Variants in ZNF385D observed in about 807,000 individuals in gnomAD.
The protein encoded by ZNF385D is zinc finger protein 659.
ZNF385D carries 15 observed loss-of-function variants against 35.8 expected under a neutral mutation model. The ratio of observed to expected loss-of-function variants is 0.42; its 90% CI spans 0.28 to 0.64. The LOEUF is 0.64. Ranked by LOEUF, ZNF385D falls within the 30% of genes least tolerant of loss-of-function variation. The pLI is 0.23. For synonymous variants in ZNF385D, 212 were observed against 186.8 expected (o/e 1.13, Z -1.10); for missense variants, 474 against 494.6 (o/e 0.96, Z 0.39).
chr3:22,361,166 C>T (rs1407563416), intron 2 of ZNF385D, among the ~76,000 whole-genome samples: 1 of 152,008 alleles, frequency 6.6e-6, no homozygotes, highest in Non-Finnish European at 1.5e-5. Context: ...CATTGAATAA[C>T]ACAGAATTTC....
chr3:22,094,045 G>C (rs1033377912), intron 3 of ZNF385D, among the ~76,000 whole-genome samples: 21 of 152,022 alleles, frequency 1.4e-4, no homozygotes, highest in Admixed American at 1.1e-3. Context: ...TAAGTGGGTT[G>C]ACTGGATTTT....
intron 2 of ZNF385D, among the ~76,000 whole-genome samples, chr3:22,362,628 ATTTATC>A (rs1483672345): frequency 1.3e-5 from 2 of 152,116 alleles, no homozygotes; most frequent in Non-Finnish European, 2.9e-5. Context: ...TCTTAAGGAA[ATTTATC>A]TTTATCATGA....
intron 2 of ZNF385D, among the ~76,000 whole-genome samples, chr3:22,323,211 C>G (rs1226551646): frequency 6.6e-6 from 1 of 152,174 alleles, no homozygotes; most frequent in Non-Finnish European, 1.5e-5. Flanking sequence ...TTTCCACACT[C>G]AGGGCCACAA....
intron 3 of ZNF385D, among the ~76,000 whole-genome samples, chr3:22,030,278 T>TATATATCCTATACAAATAACAAATAGG (rs1697879883): frequency 1.8e-5 from 2 of 110,450 alleles, no homozygotes; most frequent in South Asian, 6.2e-4. Flanking sequence ...TATATATATA[T>TATATATCCTATACAAATAACAAATAGG]ATATATATAT....
chr3:21,443,163 TTGCAGGGTACC>T, intron 4 of ZNF385D: 2 of 985,342 alleles, frequency 2.0e-6, no homozygotes, highest in Non-Finnish European at 2.4e-6. Flanking sequence ...CCACTCCACT[TTGCAGGGTACC>T]TGATTTGGGT....
chr3:22,189,968 T>G (rs1195567370), intron 2 of ZNF385D, among the ~76,000 whole-genome samples: 1 of 152,188 alleles, frequency 6.6e-6, no homozygotes, highest in Non-Finnish European at 1.5e-5. Flanking sequence ...TATTACCATC[T>G]GTTATTCTTT....
intron 3 of ZNF385D, among the ~76,000 whole-genome samples, chr3:21,900,944 A>G (rs903095386): frequency 6.6e-6 from 1 of 152,138 alleles, no homozygotes; most frequent in South Asian, 2.1e-4. Context: ...AGATGACGAC[A>G]CTAAGGTTCA....
At chr3:22,080,897 C>T (rs549220473) in intron 3 of ZNF385D, among the ~76,000 whole-genome samples, 284 of 152,188 alleles carry the variant, frequency 1.9e-3, no homozygotes, top group African/African-American at 6.8e-3. Flanking sequence ...CAGACACTCA[C>T]CAGACACTGA....
At chr3:22,039,136 C>T (rs1168935285) in intron 3 of ZNF385D, among the ~76,000 whole-genome samples, 1 of 149,992 alleles carries the variant, frequency 6.7e-6, no homozygotes, top group Non-Finnish European at 1.5e-5. Flanking sequence ...TATAGCAAAA[C>T]TATGTAAAAA....
At chr3:22,162,871 G>C (rs1372066148) in intron 3 of ZNF385D, among the ~76,000 whole-genome samples, 4 of 152,178 alleles carry the variant, frequency 2.6e-5, no homozygotes, top group Non-Finnish European at 5.9e-5. Flanking sequence ...AAAATCATTG[G>C]TAGTGTCTTA....
chr3:22,251,008 ACAC>A (rs1280611516), intron 2 of ZNF385D, among the ~76,000 whole-genome samples: 2 of 152,018 alleles, frequency 1.3e-5, no homozygotes, highest in East Asian at 1.9e-4. Context: ...AATCAGGACA[ACAC>A]CAATCAATCG....
intron 2 of ZNF385D, among the ~76,000 whole-genome samples, chr3:21,616,521 A>G (rs2064851637): frequency 6.6e-6 from 1 of 152,182 alleles, no homozygotes; most frequent in African/African-American, 2.4e-5. Context: ...GTCACAGCAA[A>G]ATACACTTTT....
At chr3:22,037,760 G>GC (rs1271828673) in intron 3 of ZNF385D, among the ~76,000 whole-genome samples, 33 of 152,218 alleles carry the variant, frequency 2.2e-4, no homozygotes, top group Middle Eastern at 6.8e-3. Flanking sequence ...TGCTTTTGGT[G>GC]TTTTAGACAT....
At chr3:21,453,168 CAAA>C (rs3860574) in intron 4 of ZNF385D, among the ~76,000 whole-genome samples, 87 of 143,384 alleles carry the variant, frequency 6.1e-4, no homozygotes, top group Non-Finnish European at 8.2e-4. Context: ...CATACACATG[CAAA>C]AAAAAAAAAA....
chr3:21,990,185 G>C lies in ZNF385D; in HGVS notation c.325+178632C>G, dbSNP rs1165092012. ...GGATGCTTATTTTCTTTGAAAAGAA[G>C]AATCTCTAAGCTAAAATTCCAGATT... On this transcript the variant is annotated intron_variant, in intron 3 of 5. Transcript: ENST00000494108. 2.6e-5 allele frequency among the ~76,000 whole-genome samples: 4 copies of C among 152,188 alleles called. No homozygotes were observed. In the East Asian group the frequency reaches 7.7e-4, roughly 29 times the overall value.
chr3:22,205,632 G>C (rs1267650915), intron 2 of ZNF385D, among the ~76,000 whole-genome samples: 1 of 151,944 alleles, frequency 6.6e-6, no homozygotes, highest in Admixed American at 6.6e-5. Context: ...GTCTTCATTA[G>C]TTTTCTCTTT....
intron 3 of ZNF385D, among the ~76,000 whole-genome samples, chr3:21,974,611 T>C (rs1004190617): frequency 6.6e-6 from 1 of 151,916 alleles, no homozygotes; most frequent in African/African-American, 2.4e-5. Flanking sequence ...CAGTAAAGGA[T>C]ACAATCAACA....
At chr3:21,478,798 C>G (rs576954635) in intron 4 of ZNF385D, among the ~76,000 whole-genome samples, 1 of 151,912 alleles carries the variant, frequency 6.6e-6, no homozygotes, top group Admixed American at 6.6e-5. Flanking sequence ...AAACACCATC[C>G]CCAGTAACAC....
intron 2 of ZNF385D, among the ~76,000 whole-genome samples, chr3:21,599,383 T>C (rs1173185008): frequency 1.3e-5 from 2 of 152,190 alleles, no homozygotes; most frequent in Admixed American, 1.3e-4. Flanking sequence ...TAAACGTAAA[T>C]AATTTCTATT....
Sources: gnomAD v4.1 joint callset for allele counts (sites outside exome capture counted in the v4.1 genomes callset) on GRCh38, gnomAD v4.1.1 for gene constraint, MANE v1.5 for transcripts, NCBI Gene and HGNC (gene_info 2026-07-23, HGNC 2026-07-21) for gene names.